CCNB1IP1: variants seen among roughly 807,000 people sequenced by gnomAD.
CCNB1IP1 encodes E3 ubiquitin-protein ligase CCNB1IP1.
CCNB1IP1 carries 14 observed loss-of-function variants against 25.6 expected under a neutral mutation model. The ratio of observed to expected loss-of-function variants is 0.55; its 90% confidence interval spans 0.36 to 0.85. The LOEUF (loss-of-function observed/expected upper bound fraction) is 0.85, where lower values mean the gene tolerates loss of function less well. Among genes scored for constraint, CCNB1IP1 ranks in the 40% least tolerant of loss-of-function variants. CCNB1IP1 has a pLI of 0.01. For synonymous variants in CCNB1IP1, 119 were observed against 116.1 expected (o/e 1.02, Z -0.16); for missense variants, 278 against 342.4 (o/e 0.81, Z 1.48).
chr14:20,331,935 A>G (rs954473339), intron 1 of CCNB1IP1, among the ~76,000 whole-genome samples: 1 of 143,178 alleles, frequency 7.0e-6, no homozygotes, highest in East Asian at 2.0e-4. Flanking sequence ...AGAAACTTTG[A>G]TATCTTTTGA....
chr14:20,315,004 T>C (rs536517251), intron 5 of CCNB1IP1, among the ~76,000 whole-genome samples: 1 of 142,820 alleles, frequency 7.0e-6, no homozygotes, highest in East Asian at 2.1e-4. Context: ...GGCAGGAGAA[T>C]GGCGTGAACC....
Position 20,325,552 on chromosome 14 carries a change from C to T in CCNB1IP1, c.-51G>A, listed in dbSNP as rs1034651447. The T allele has an allele frequency of 1.3e-5, 2 of 151,856 alleles. No individual in the cohort carries two copies. The highest frequency in any genetic ancestry group is 4.8e-5 in the African/African-American group (2 of 41,328). The allele number at this position is 151,856 out of a possible 1,614,324, so 9.4% of individuals were successfully genotyped here. On this transcript the variant is annotated 5_prime_UTR_variant, in exon 4 of 7. Transcript: ENST00000358932. ...CGTAAGCCTTACCATAAAAGAAAAA[C>T]GCAGTACTCATCTACAGTATATCCA...
At chr14:20,319,388 CT>C (rs1161708128) in intron 4 of CCNB1IP1, among the ~76,000 whole-genome samples, 8 of 152,196 alleles carry the variant, frequency 5.3e-5, no homozygotes, top group Non-Finnish European at 1.0e-4. Flanking sequence ...TCCCTAACAT[CT>C]GTTTTTGGCT....
In CCNB1IP1 at chr14:20,316,272, G is replaced by GATTA. The variant is rs1566399920; in HGVS notation, c.251_252insTAAT (p.Val85AsnfsTer6). Reference sequence around the variant, plus strand: ...GCGCTCGGGAGCTAATGTCCAACACGATCTCTGGTCGCAGTCCTGCCAATA... The same window carrying GATTA: ...GCGCTCGGGAGCTAATGTCCAACACGATTAATCTCTGGTCGCAGTCCTGCCAATA... On this transcript the variant is annotated frameshift_variant, in exon 5 of 7. Transcript: ENST00000358932. LOFTEE classifies it high-confidence loss of function. 10 of 1,613,768 alleles carry GATTA rather than the reference G, an allele frequency of 6.2e-6. No individual in the cohort carries two copies. Among genetic ancestry groups the GATTA allele is most frequent in the Non-Finnish European group, 8.5e-6 (10 of 1,179,858 alleles).
chr14:20,328,879 G>A (rs1883156487), intron 2 of CCNB1IP1, among the ~76,000 whole-genome samples: 1 of 152,188 alleles, frequency 6.6e-6, no homozygotes, highest in African/African-American at 2.4e-5. Flanking sequence ...TAAGTATTGT[G>A]CAAATGCTCC....
intron 2 of CCNB1IP1, among the ~76,000 whole-genome samples, chr14:20,327,487 G>C (rs1207010139): frequency 6.6e-6 from 1 of 150,708 alleles, no homozygotes; most frequent in Non-Finnish European, 1.5e-5. Context: ...AAAGAGTCTT[G>C]CTTTAATTTC....
At chr14:20,311,811 T>C (rs1173144418) in intron 6 of CCNB1IP1, 59 bp from the exon 7 acceptor site, 3 of 1,091,594 alleles carry the variant, frequency 2.7e-6, no homozygotes, top group East Asian at 5.0e-5. Flanking sequence ...TATAATCTAC[T>C]TCAGAGGAAT....
intron 4 of CCNB1IP1, chr14:20,319,078 T>C (rs977769546): frequency 1.3e-5 from 2 of 152,236 alleles, no homozygotes; most frequent in Non-Finnish European, 2.9e-5. Flanking sequence ...CCGTCTTTTG[T>C]AGCCATCTTT....
intron 4 of CCNB1IP1, 93 bp from the exon 5 acceptor site, chr14:20,316,653 A>C: frequency 1.6e-6 from 1 of 635,172 alleles, no homozygotes; most frequent in Non-Finnish European, 2.7e-6. Flanking sequence ...TTATCATAAA[A>C]TACTGCACAT....
At chr14:20,312,149 G>A (rs543431376) in intron 6 of CCNB1IP1, among the ~76,000 whole-genome samples, 4 of 152,174 alleles carry the variant, frequency 2.6e-5, no homozygotes, top group African/African-American at 7.2e-5. Flanking sequence ...GTGGCAGCAG[G>A]ACATAAAAAG....
chr14:20,326,496 G>A (rs368739866), intron 3 of CCNB1IP1: 14 of 534,678 alleles, frequency 2.6e-5, no homozygotes, highest in African/African-American at 1.3e-4. Flanking sequence ...GCTGAAACAC[G>A]GACTTAACAT....
intron 4 of CCNB1IP1, among the ~76,000 whole-genome samples, chr14:20,321,249 T>G (rs1339183711): frequency 6.6e-6 from 1 of 152,192 alleles, no homozygotes; most frequent in African/African-American, 2.4e-5. Flanking sequence ...TGTGCTATAT[T>G]TGAACACATA....
At chr14:20,321,857 A>T (rs934798419) in intron 4 of CCNB1IP1, among the ~76,000 whole-genome samples, 1 of 152,220 alleles carries the variant, frequency 6.6e-6, no homozygotes, top group African/African-American at 2.4e-5. Flanking sequence ...AAAAACAGTG[A>T]AGTATACCAG....
intron 4 of CCNB1IP1, among the ~76,000 whole-genome samples, chr14:20,322,977 C>T (rs1882943463): frequency 6.6e-6 from 1 of 152,106 alleles, no homozygotes; most frequent in Admixed American, 6.6e-5. Context: ...CTCTAAAAAA[C>T]TGAGTAAACC....
chr14:20,311,835 T>C, intron 6 of CCNB1IP1, 83 bp from the exon 7 acceptor site: 4 of 657,870 alleles, frequency 6.1e-6, no homozygotes, highest in Non-Finnish European at 9.4e-6. Context: ...CAAATATATA[T>C]ATATGAATAT....
intron 4 of CCNB1IP1, among the ~76,000 whole-genome samples, chr14:20,325,284 A>G (rs183006573): frequency 0.045 from 6,825 of 151,154 alleles, 216 homozygotes; most frequent in Middle Eastern, 0.1. Flanking sequence ...AGCCGGGCGT[A>G]GTGGCGGGCA....
At chr14:20,315,646 A>C in intron 5 of CCNB1IP1, 1 of 1,280,056 alleles carries the variant, frequency 7.8e-7, no homozygotes, top group South Asian at 1.3e-5. Context: ...AAAGGGAAAA[A>C]GTTAAGGATG....
At position 20,311,486 on chromosome 14, in the gene CCNB1IP1, G is replaced by A; in HGVS notation, c.*64C>T. 7.0e-7 allele frequency: 1 copy of A among 1,423,558 alleles called. No individual in the cohort carries two copies. The highest frequency in any genetic ancestry group is 1.4e-5 in the African/African-American group (1 of 70,970). The allele number at this position is 1,423,558 out of a possible 1,614,324, so 88.2% of individuals were successfully genotyped here. A position where few individuals can be genotyped will look rare whatever the true frequency, so the allele number is the denominator to read the frequency against. On this transcript the variant is annotated 3_prime_UTR_variant, in exon 7 of 7. Transcript: ENST00000358932. ...TAAAGCCTCAGACTCCTGGGCTCAA[G>A]TGATCCTCCCAGCCTCAACCTCCTA...
rs774706183 is a variant in CCNB1IP1 at position 20,316,457 on chromosome 14, C to T, written c.67G>A (p.Ala23Thr). 23 of 1,613,588 alleles carry T rather than the reference C, an allele frequency of 1.4e-5. No individual in the cohort carries two copies. The highest frequency in any genetic ancestry group is 1.9e-5 in the Non-Finnish European group (23 of 1,179,994). Residue 23 changes from alanine (A) to threonine (T), a missense_variant, in exon 5 of 7, where the codon GCA becomes ACA. Ala to Thr is a moderately conservative substitution (Grantham distance 58). Transcript: ENST00000358932. ...ATGTGAGAGCAGGCAGTGACCCATG[C>T]ATAGCCAGAGAGTTTGATGCGACAC... The part of the protein sequence containing the change: ...RKCRIKLSGY[A>T]WVTACSHIFC...
Sources: gnomAD v4.1 joint callset for allele counts (sites outside exome capture counted in the v4.1 genomes callset) on GRCh38, gnomAD v4.1.1 for gene constraint, MANE v1.5 for transcripts, NCBI Gene and HGNC (gene_info 2026-07-23, HGNC 2026-07-21) for gene names.